The following EDEM1 variants were observed in gnomAD, a reference collection of about 807,000 sequenced individuals.
The protein encoded by EDEM1 is ER degradation-enhancing alpha-mannosidase-like protein 1.
A neutral mutation model predicts 74.4 loss-of-function variants in EDEM1; 67 were observed. That is an observed-to-expected ratio of 0.90 (90% confidence interval 0.74 to 1.10). The LOEUF (loss-of-function observed/expected upper bound fraction) is 1.10. Among genes scored for constraint, EDEM1 ranks in the 50% least tolerant of loss-of-function variants. EDEM1 has a pLI of 0.00. For synonymous variants in EDEM1, 382 were observed against 335.9 expected (o/e 1.14, Z -1.50); for missense variants, 926 against 851.6 (o/e 1.09, Z -1.09).
chr3:5,202,127 G>A (rs1220582102), intron 4 of EDEM1, among the ~76,000 whole-genome samples: 1 of 152,152 alleles, frequency 6.6e-6, no homozygotes, highest in African/African-American at 2.4e-5. Context: ...TGTATGAAAG[G>A]CAAACAGTGA....
chr3:5,192,468 T>G (rs1192468816), intron 1 of EDEM1, among the ~76,000 whole-genome samples: 3 of 152,254 alleles, frequency 2.0e-5, no homozygotes, highest in East Asian at 3.8e-4. Flanking sequence ...TTTTCTGTTT[T>G]GAGGTGAACT....
At chr3:5,201,431 T>C (rs1207498138) in intron 3 of EDEM1, among the ~76,000 whole-genome samples, 3 of 152,218 alleles carry the variant, frequency 2.0e-5, no homozygotes, top group Admixed American at 2.0e-4. Context: ...ACTACAGGCG[T>C]GAGCCACCGC....
intron 1 of EDEM1, among the ~76,000 whole-genome samples, chr3:5,188,915 A>G (rs1432214529): frequency 3.3e-5 from 5 of 152,168 alleles, no homozygotes; most frequent in Admixed American, 1.3e-4. Context: ...GAGGGAAGCT[A>G]TGTGGCCCAC....
chr3:5,203,000 A>G lies in EDEM1; in HGVS notation c.893A>G (p.Asn298Ser), dbSNP rs879106593. 7 of 1,613,918 alleles carry G rather than the reference A, an allele frequency of 4.3e-6. No homozygotes were observed. The highest frequency in any genetic ancestry group is 5.9e-6 in the Non-Finnish European group (7 of 1,179,908). ...NLKTGVPPDT[N>S]NETCTAGAGS... is the part of the protein sequence containing the mutation. ...AAGACAGGAGTTCCTCCTGACACCA[A>G]TAATGAGACATGCACAGCGGGAGCC... is the stretch of plus-strand genomic sequence containing the variant. The change falls in exon 5 of 12, where the codon AAT (asparagine) becomes AGT (serine). Residue 298 changes from asparagine to serine, a missense_variant. Physicochemically the swap from Asn to Ser is conservative, Grantham distance 46. Transcript: ENST00000256497.
chr3:5,215,096 A>C (rs1364788054), intron 11 of EDEM1, among the ~76,000 whole-genome samples: 1 of 152,102 alleles, frequency 6.6e-6, no homozygotes, highest in Non-Finnish European at 1.5e-5. Context: ...AGTCGGGACC[A>C]ATGGAAGGAC....
At chr3:5,204,607 G>A (rs547341405) in intron 5 of EDEM1, among the ~76,000 whole-genome samples, 1 of 152,074 alleles carries the variant, frequency 6.6e-6, no homozygotes, top group African/African-American at 2.4e-5. Flanking sequence ...GCCCAGGCTG[G>A]TCTCGAACTC....
intron 1 of EDEM1, among the ~76,000 whole-genome samples, chr3:5,189,819 C>T (rs575227739): frequency 2.0e-5 from 3 of 152,346 alleles, no homozygotes; most frequent in Non-Finnish European, 4.4e-5. Context: ...CCAGGATGGT[C>T]TCATCTCCTG....
At position 5,201,863 on chromosome 3, in the gene EDEM1, A is replaced by G. The variant is rs779226572; in HGVS notation, c.797A>G (p.Asp266Gly). The G allele has an allele frequency of 4.3e-6, 7 of 1,614,080 alleles. No homozygotes were observed. Among genetic ancestry groups the G allele is most frequent in the Non-Finnish European group, 5.9e-6 (7 of 1,180,042 alleles). The change falls in exon 4 of 12, where the codon GAC (aspartate) becomes GGC (glycine). Residue 266 changes from aspartate (D) to glycine (G), a missense_variant. By Grantham distance (94) the Asp-to-Gly change is moderately conservative. Coordinates refer to ENST00000256497, the MANE Select transcript of EDEM1 (RefSeq NM_014674.3). Reference sequence around the variant, plus strand: ...AATGAGTTGTTATACATGGCCCATGACCTGGCGGTGCGGCTCCTCCCTGCT... The same window carrying G: ...AATGAGTTGTTATACATGGCCCATGGCCTGGCGGTGCGGCTCCTCCCTGCT... The part of the protein sequence containing the change: ...YDNELLYMAH[D>G]LAVRLLPAFE...
At chr3:5,206,697 A>T (rs1000941642) in intron 6 of EDEM1, among the ~76,000 whole-genome samples, 1 of 152,206 alleles carries the variant, frequency 6.6e-6, no homozygotes, top group Non-Finnish European at 1.5e-5. Context: ...TCAAAGCCAC[A>T]AACTAAATTG....
At chr3:5,197,591 C>T (rs2054984934) in intron 2 of EDEM1, among the ~76,000 whole-genome samples, 1 of 152,198 alleles carries the variant, frequency 6.6e-6, no homozygotes, top group African/African-American at 2.4e-5. Context: ...TGTAAGGAAA[C>T]AGACTCATCT....
At chr3:5,199,555 C>G (rs999796960) in intron 2 of EDEM1, 37 bp from the exon 3 acceptor site, 1 of 1,507,378 alleles carries the variant, frequency 6.6e-7, no homozygotes, top group African/African-American at 1.4e-5. Flanking sequence ...AGTTTCATTT[C>G]AAGTTGCTGT....
chr3:5,188,254 T>TC lies in EDEM1; in HGVS notation c.454dup (p.Gln152ProfsTer26), dbSNP rs1293963400. The TC allele has an allele frequency of 2.5e-6, 4 of 1,577,768 alleles. No homozygotes were observed. Among genetic ancestry groups the TC allele is most frequent in the East Asian group, 2.5e-5 (1 of 40,522 alleles). ...TACGACAACTACATGGCTCACGCCT[T>TC]CCCCCAGGACGAGCTCAACCCCATC... is the stretch of plus-strand genomic sequence containing the variant. On this transcript the variant is annotated frameshift_variant, in exon 1 of 12. Coordinates refer to ENST00000256497, the MANE Select transcript of EDEM1 (RefSeq NM_014674.3). LOFTEE classifies it high-confidence loss of function.
chr3:5,205,309 T>C, intron 6 of EDEM1, 68 bp downstream of exon 6: 2 of 1,402,412 alleles, frequency 1.4e-6, no homozygotes, highest in Non-Finnish European at 1.9e-6. Context: ...AGCGTTTGTA[T>C]TTTTTTTAAC....
At chr3:5,201,112 T>G (rs1183964812) in intron 3 of EDEM1, among the ~76,000 whole-genome samples, 2 of 152,010 alleles carry the variant, frequency 1.3e-5, no homozygotes, top group Non-Finnish European at 2.9e-5. Context: ...AGGAGTAATT[T>G]AATAATACTA....
At chr3:5,201,682 C>CTTTCTGAATTGGATTA in intron 3 of EDEM1, 71 bp from the exon 4 acceptor site, 2 of 1,571,872 alleles carry the variant, frequency 1.3e-6, no homozygotes, top group South Asian at 2.2e-5. Context: ...ATACTTCTAT[C>CTTTCTGAATTGGATTA]TTTCTGAATT....
chr3:5,215,477 C>T lies in EDEM1; in HGVS notation c.1885-352C>T, dbSNP rs113502420. ...AGTCCTGGCCACGAAGCAGTTGCTG[C>T]GATGCCTTTTAGCTTCCCTGGATCT... On this transcript the variant is annotated intron_variant, in intron 11 of 11. Coordinates refer to ENST00000256497, the MANE Select transcript of EDEM1 (RefSeq NM_014674.3). Among the ~76,000 whole-genome samples the T allele has an allele frequency of 3.4e-3, 514 of 152,302 alleles. 4 individuals are homozygous for T. The highest frequency in any genetic ancestry group is 0.012 in the African/African-American group (482 of 41,550).
chr3:5,203,038 G>A lies in EDEM1; in HGVS notation c.931G>A (p.Val311Met), dbSNP rs1286309671. Reference protein sequence around the residue: ...TCTAGAGSLLVEFGILSRLLG... With the variant: ...TCTAGAGSLLMEFGILSRLLG... Reference sequence around the variant, plus strand: ...CACAGCGGGAGCCGGTTCCCTCCTGGTGGAATTTGGGATTCTGAGTCGACT... The same window carrying A: ...CACAGCGGGAGCCGGTTCCCTCCTGATGGAATTTGGGATTCTGAGTCGACT... Residue 311 changes from valine (V) to methionine (M), a missense_variant, in exon 5 of 12, where the codon GTG (valine) becomes ATG (methionine). Val to Met is a conservative substitution (Grantham distance 21). Transcript: ENST00000256497. The A allele has an allele frequency of 2.5e-6, 4 of 1,613,876 alleles. No homozygotes were observed. In the Admixed American group the frequency reaches 6.7e-5, roughly 27 times the overall value.
Position 5,216,943 on chromosome 3 carries a change from A to G in EDEM1, c.*1025A>G, listed in dbSNP as rs2055244571. The G allele has an allele frequency of 6.6e-6, 1 of 152,642 alleles. No homozygotes were observed. The highest frequency in any genetic ancestry group is 1.9e-4 in the East Asian group (1 of 5,198). 9.5% of individuals were successfully genotyped at this position (152,642 alleles called of 1,614,324 possible). On this transcript the variant is annotated 3_prime_UTR_variant, in exon 12 of 12. Coordinates refer to ENST00000256497, the MANE Select transcript of EDEM1 (RefSeq NM_014674.3). Reference sequence around the variant, plus strand: ...TTTCTGTTTTCTGTGTCTAGTGCCAATTAGCTAAATCAGGGAGAAAGAAAT... The same window carrying G: ...TTTCTGTTTTCTGTGTCTAGTGCCAGTTAGCTAAATCAGGGAGAAAGAAAT...
chr3:5,202,070 A>G (rs2055041268), intron 4 of EDEM1, 146 bp downstream of exon 4: 3 of 1,011,940 alleles, frequency 3.0e-6, no homozygotes, highest in East Asian at 2.7e-5. Context: ...GGCCTTAAAT[A>G]TGATGTAAAT....
Sources: gnomAD v4.1 joint callset for allele counts (sites outside exome capture counted in the v4.1 genomes callset) on GRCh38, gnomAD v4.1.1 for gene constraint, MANE v1.5 for transcripts, NCBI Gene and HGNC (gene_info 2026-07-23, HGNC 2026-07-21) for gene names.